The following ACLY variants were observed in gnomAD, a reference collection of about 807,000 sequenced individuals.
The protein encoded by ACLY is ATP citrate lyase, also known as ATP-citrate synthase.
Under a neutral mutation model 133.0 loss-of-function variants are expected in ACLY, and 41 were observed. The ratio of observed to expected loss-of-function variants is 0.31; its 90% CI spans 0.24 to 0.40. The LOEUF is 0.40. ACLY is among the 10% of genes least tolerant of loss of function. The pLI is 1.00. For missense variants in ACLY, 1,046 were observed against 1,453.8 expected (o/e 0.72, Z 4.56); for synonymous variants, 495 against 549.3 (o/e 0.90, Z 1.38).
intron 22 of ACLY, among the ~76,000 whole-genome samples, chr17:41,875,345 C>T (rs1220258226): frequency 5.9e-5 from 5 of 84,946 alleles, no homozygotes; most frequent in Non-Finnish European, 1.1e-4. Flanking sequence ...AGTGAAACTC[C>T]GTCTCAAAAA....
At chr17:41,870,953 C>A (rs1280894610) in intron 25 of ACLY, among the ~76,000 whole-genome samples, 9 of 152,228 alleles carry the variant, frequency 5.9e-5, no homozygotes, top group African/African-American at 1.9e-4. Flanking sequence ...GCACAGCAAA[C>A]CCTCAGTGGA....
rs1028786902 is a variant in ACLY, at chr17:41,898,788, G to T, written c.1184-3C>A. 6.2e-7 allele frequency: 1 copy of T among 1,611,086 alleles called. No homozygotes were observed. The highest frequency in any genetic ancestry group is 8.5e-7 in the Non-Finnish European group (1 of 1,178,642). On this transcript the variant is annotated splice_polypyrimidine_tract_variant and splice_region_variant and intron_variant, in intron 11 of 28. Coordinates refer to ENST00000352035, the MANE Select transcript of ACLY (RefSeq NM_001096.3). The stretch of plus-strand genomic sequence containing the variant: ...GATGGGGATCCCAGTGGTCTTCCCT[G>T]CAAGGGAAGGAAAAAAAAATCCATA...
intron 16 of ACLY, among the ~76,000 whole-genome samples, chr17:41,888,548 T>C (rs1000953844): frequency 2.0e-4 from 30 of 152,192 alleles, no homozygotes; most frequent in African/African-American, 7.0e-4. Context: ...TCACTTCTCT[T>C]TGGCTCTAAA....
exon 1 of ACLY, chr17:41,930,535 G>A (rs547838168): frequency 3.6e-6 from 2 of 552,696 alleles, no homozygotes; most frequent in African/African-American, 1.9e-5. Flanking sequence ...GGCCCAGTGC[G>A]CGGCAGAACT....
intron 1 of ACLY, among the ~76,000 whole-genome samples, chr17:41,918,242 C>T (rs1259687092): frequency 6.6e-6 from 1 of 152,238 alleles, no homozygotes; most frequent in Non-Finnish European, 1.5e-5. Context: ...CTCGACGATA[C>T]CTCCAGTGCG....
In ACLY at chr17:41,869,048, A is replaced by T; in HGVS notation, c.3129T>A (p.Phe1043Leu). The T allele has an allele frequency of 6.2e-7, 1 of 1,612,146 alleles. No individual in the cohort carries two copies. Among genetic ancestry groups the T allele is most frequent in the Non-Finnish European group, 8.5e-7 (1 of 1,178,916 alleles). Residue 1043 changes from phenylalanine to leucine, a missense_variant, in exon 27 of 29, where the codon TTT (phenylalanine) becomes TTA (leucine). By Grantham distance (22) the Phe-to-Leu change is conservative. Transcript: ENST00000352035. ...FVDMLRNCGS[F>L]TREEADEYID... ...AAAACAGCTACAATGCTCACCGAGT[A>T]AAGGACCCACAGTTTCTAAGCATGT... is the stretch of plus-strand genomic sequence containing the variant.
intron 1 of ACLY, among the ~76,000 whole-genome samples, chr17:41,917,014 A>G (rs2050069161): frequency 6.6e-6 from 1 of 151,450 alleles, no homozygotes; most frequent in Non-Finnish European, 1.5e-5. Flanking sequence ...GTGGTGGTGC[A>G]CACCTGTAGC....
chr17:41,897,356 T>C (rs4796618), intron 13 of ACLY, among the ~76,000 whole-genome samples: 134,343 of 151,874 alleles, frequency 0.88, 59,775 homozygotes, highest in East Asian at 1. Flanking sequence ...GAACTGCTGT[T>C]GTATGAGCTG....
intron 20 of ACLY, 26 bp from the exon 21 acceptor site, chr17:41,878,950 A>G (rs1555626684): frequency 1.2e-6 from 2 of 1,613,630 alleles, no homozygotes; most frequent in East Asian, 4.5e-5. Context: ...AAGTAGCTTT[A>G]CTGCTAATCC....
intron 2 of ACLY, among the ~76,000 whole-genome samples, chr17:41,913,265 C>T (rs1555633950): frequency 2.6e-5 from 4 of 152,242 alleles, no homozygotes; most frequent in Non-Finnish European, 5.9e-5. Context: ...TGCCTTGATA[C>T]ATTCCTGATA....
At position 41,874,535 on chromosome 17, in the gene ACLY, A is replaced by G. The variant is rs372520686; in HGVS notation, c.2488-570T>C. ...CAGTTCTCCCACCTCAGCCTCCCCA[A>G]GTGCTGGGATTACAGGCGTGAGACC... On this transcript the variant is annotated intron_variant, in intron 22 of 28. Transcript: ENST00000352035. Among the ~76,000 whole-genome samples the G allele has an allele frequency of 1.2e-3, 186 of 150,382 alleles. 1 individual carries two copies. Among genetic ancestry groups the G allele is most frequent in the African/African-American group, 4.4e-3 (179 of 40,944 alleles).
chr17:41,880,238 T>C (rs2048878785), intron 20 of ACLY, among the ~76,000 whole-genome samples: 1 of 152,214 alleles, frequency 6.6e-6, no homozygotes, highest in Admixed American at 6.5e-5. Flanking sequence ...GGAGCACAGA[T>C]GGGTAAAGTG....
Position 41,894,678 on chromosome 17 carries a change from T to C in ACLY, c.1460-1504A>G, listed in dbSNP as rs185167347. On this transcript the variant is annotated intron_variant, in intron 14 of 28. Transcript: ENST00000352035. Reference sequence around the variant, plus strand: ...AAAAATTTTAAAAAGAAAATTTTAATGCAGCAAGTATATTTAAAAAAAAAA... The same window carrying C: ...AAAAATTTTAAAAAGAAAATTTTAACGCAGCAAGTATATTTAAAAAAAAAA... Among the ~76,000 whole-genome samples, 25 of 151,558 alleles carry C rather than the reference T, an allele frequency of 1.6e-4. No homozygotes were observed. In the East Asian group the frequency reaches 4.6e-3, roughly 28 times the overall value.
In ACLY at chr17:41,887,602, G is replaced by T; in HGVS notation, c.1872C>A (p.Ala624=). Residue 624 remains alanine (A), a synonymous_variant, in exon 17 of 29, where the codon GCC becomes GCA. Coordinates refer to ENST00000352035, the MANE Select transcript of ACLY (RefSeq NM_001096.3). ...GCTTTCCGGAGGGGAAGCTCACAGT[G>T]GCAGGTCCGATGATGGTCACTCCCT... ...DQKGVTIIGP[A]TVGGIKPGCF... is the part of the protein sequence containing the mutation. 1.9e-6 allele frequency: 3 copies of T among 1,613,670 alleles called. No individual in the cohort carries two copies. Among genetic ancestry groups the T allele is most frequent in the African/African-American group, 2.7e-5 (2 of 75,030 alleles).
intron 2 of ACLY, 29 bp downstream of exon 2, chr17:41,913,686 G>A (rs782447302): frequency 3.9e-5 from 62 of 1,608,884 alleles, no homozygotes; most frequent in Non-Finnish European, 5.2e-5. Context: ...GGGCCTGGAA[G>A]AAAGGCCCAA....
intron 1 of ACLY, among the ~76,000 whole-genome samples, chr17:41,926,676 ACAGGGTTTCAC>A (rs2071793080): frequency 6.6e-6 from 1 of 151,584 alleles, no homozygotes; most frequent in African/African-American, 2.4e-5. Flanking sequence ...TTTAGTAGAG[ACAGGGTTTCAC>A]CATGTTGGCC....
chr17:41,888,425 C>T (rs2049111088), intron 16 of ACLY, among the ~76,000 whole-genome samples: 1 of 152,206 alleles, frequency 6.6e-6, no homozygotes, highest in Non-Finnish European at 1.5e-5. Flanking sequence ...TTCATGGGAC[C>T]CTCCGAGTCT....
chr17:41,898,887 G>T, intron 11 of ACLY, 102 bp from the exon 12 acceptor site: 1 of 1,204,914 alleles, frequency 8.3e-7, no homozygotes, highest in Non-Finnish European at 1.2e-6. Context: ...ATCAGTGTTT[G>T]GCGCATTCAG....
intron 19 of ACLY, among the ~76,000 whole-genome samples, chr17:41,883,925 C>A (rs1311058138): frequency 2.6e-4 from 40 of 151,962 alleles, no homozygotes; most frequent in Non-Finnish European, 4.4e-5. Context: ...TTTCCACTGC[C>A]CACCAGGTAG....
Sources: gnomAD v4.1 joint callset for allele counts (sites outside exome capture counted in the v4.1 genomes callset) on GRCh38, gnomAD v4.1.1 for gene constraint, MANE v1.5 for transcripts, NCBI Gene and HGNC (gene_info 2026-07-23, HGNC 2026-07-21) for gene names.